MYH4: variants seen among roughly 807,000 people sequenced by gnomAD.
MYH4 encodes the protein myosin heavy chain 4, also known as myosin-4.
A neutral mutation model predicts 229.9 loss-of-function variants in MYH4; 200 were observed. That is an observed-to-expected ratio of 0.87 (90% CI 0.78 to 0.98). The LOEUF is 0.98. Among genes scored for constraint, MYH4 ranks in the 50% least tolerant of loss-of-function variants. MYH4 has a pLI of 0.00. For synonymous variants in MYH4, 761 were observed against 834.6 expected, an observed-to-expected ratio of 0.91 and a Z score of 1.52; for missense variants, 2,148 against 2,332.6, an observed-to-expected ratio of 0.92 and a Z score of 1.63.
At chr17:10,467,111 C>G (rs1166569117) in intron 2 of MYH4, among the ~76,000 whole-genome samples, 4 of 152,170 alleles carry the variant, frequency 2.6e-5, no homozygotes, top group Non-Finnish European at 5.9e-5. Context: ...TTTCTTGCTA[C>G]TTTTCTTTTC....
Position 10,462,015 on chromosome 17 carries a change from A to C in MYH4, c.1008+850T>G, listed in dbSNP as rs2072708725. ...TCTTAACTCCCTATCACTTTTGGAC[A>C]TACAAAGATAATAATAAGTTATAGA... On this transcript the variant is annotated intron_variant, in intron 11 of 39. Transcript: ENST00000255381. Among the ~76,000 whole-genome samples, 4 of 152,174 alleles carry C rather than the reference A, an allele frequency of 2.6e-5. No individual in the cohort carries two copies. The South Asian group carries it at 8.3e-4, about 31-fold the overall frequency.
At position 10,452,326 on chromosome 17, in the gene MYH4, C is replaced by A; in HGVS notation, c.3353G>T (p.Arg1118Leu). ...GATTTCCTCCTCCAGCTCCTCAATG[C>A]GGGCCTGGTTGTGATATGTCAACAT... The part of the protein sequence containing the change: ...LQKKIKELQA[R>L]IEELEEEIEA... Residue 1118 changes from arginine to leucine, a missense_variant, in exon 27 of 40, where the codon CGC becomes CTC. Arg to Leu is a moderately radical substitution (Grantham distance 102). Transcript: ENST00000255381. The A allele has an allele frequency of 1.2e-6, 2 of 1,614,094 alleles. No individual in the cohort carries two copies. Among genetic ancestry groups the A allele is most frequent in the Non-Finnish European group, 1.7e-6 (2 of 1,180,008 alleles).
chr17:10,466,513 T>G (rs1480616772), intron 3 of MYH4, 29 bp downstream of exon 3: 7 of 1,613,176 alleles, frequency 4.3e-6, no homozygotes, highest in Non-Finnish European at 5.9e-6. Context: ...TGAGGCAGAG[T>G]CTAATTAGCT....
intron 4 of MYH4, among the ~76,000 whole-genome samples, chr17:10,466,010 G>A (rs1327568968): frequency 6.6e-6 from 1 of 151,790 alleles, no homozygotes; most frequent in African/African-American, 2.4e-5. Flanking sequence ...TCCTGACCTC[G>A]TGATCCGCCC....
rs746636530 is a variant in MYH4, at chr17:10,455,800, C to G, written c.2056+14G>C. The G allele has an allele frequency of 6.2e-7, 1 of 1,614,158 alleles. No homozygotes were observed. The highest frequency in any genetic ancestry group is 8.5e-7 in the Non-Finnish European group (1 of 1,180,012). Reference sequence around the variant, plus strand: ...CACACACTGGAGCTTGTCTGGATATCAGAAATGTCTTACCAGGAGTTTTAG... The same window carrying G: ...CACACACTGGAGCTTGTCTGGATATGAGAAATGTCTTACCAGGAGTTTTAG... On this transcript the variant is annotated intron_variant, in intron 18 of 39. Coordinates refer to ENST00000255381, the MANE Select transcript of MYH4 (RefSeq NM_017533.2).
In MYH4 at chr17:10,463,600, T is replaced by TCC; in HGVS notation, c.690_691dup (p.Glu231GlyfsTer10). ...CACGGTCTTGGCATTGCCGAAGGCT[T>TCC]CCAGTAGGGGGTTAGCACTGATGAT... On this transcript the variant is annotated frameshift_variant, in exon 8 of 40. Coordinates refer to ENST00000255381, the MANE Select transcript of MYH4 (RefSeq NM_017533.2). LOFTEE classifies it high-confidence loss of function. 6.2e-7 allele frequency: 1 copy of TCC among 1,613,906 alleles called. No homozygotes were observed. Among genetic ancestry groups the TCC allele is most frequent in the Non-Finnish European group, 8.5e-7 (1 of 1,179,816 alleles).
intron 29 of MYH4, 56 bp downstream of exon 29, chr17:10,450,721 A>G: frequency 1.9e-6 from 3 of 1,610,122 alleles, no homozygotes; most frequent in Non-Finnish European, 2.5e-6. Context: ...AAAGTTCAAT[A>G]GTGTGTTATG....
rs754908749 is a variant in MYH4, at chr17:10,454,671, C to T, written c.2575G>A (p.Glu859Lys). Residue 859 changes from glutamate to lysine, a missense_variant, in exon 22 of 40, where the codon GAA becomes AAA. Transcript: ENST00000255381. ...AGCTCTTCTTTGGTTTTCTCAAATT[C>T]TTCCTTCATGTTGGCCATCTCCTTC... ...TEKEMANMKEEFEKTKEELAK... is the reference protein window; with the variant it reads ...TEKEMANMKEKFEKTKEELAK... 5 of 1,614,170 alleles carry T rather than the reference C, an allele frequency of 3.1e-6. No homozygotes were observed. The South Asian group carries it at 5.5e-5, about 18-fold the overall frequency.
At position 10,461,352 on chromosome 17, in the gene MYH4, C is replaced by T. The variant is rs114033791; in HGVS notation, c.1009-298G>A. ...ATGACTTTTGATGCCAAGGCCAGTG[C>T]TTTGCCCCTTTTCTCCACCCCAGCC... On this transcript the variant is annotated intron_variant, in intron 11 of 39. Coordinates refer to ENST00000255381, the MANE Select transcript of MYH4 (RefSeq NM_017533.2). Among the ~76,000 whole-genome samples, 1,139 of 152,282 alleles carry T rather than the reference C, an allele frequency of 7.5e-3. 16 individuals carry two copies. The highest frequency in any genetic ancestry group is 0.027 in the African/African-American group (1,106 of 41,554).
rs186999154 is a variant in MYH4 at position 10,445,518 on chromosome 17, C to G, written c.5170-156G>C. Among the ~76,000 whole-genome samples the G allele has an allele frequency of 2.6e-3, 389 of 152,188 alleles. 1 individual carries two copies. Among genetic ancestry groups the G allele is most frequent in the African/African-American group, 9.0e-3 (375 of 41,514 alleles). On this transcript the variant is annotated intron_variant, in intron 35 of 39. Transcript: ENST00000255381. ...ATAATTCTAAGTTTATGCCTTTTCT[C>G]CTTTCTATATATAGCTCTTTAATCA...
Position 10,448,022 on chromosome 17 carries a change from G to A in MYH4, c.4761C>T (p.Leu1587=), listed in dbSNP as rs377587438. Residue 1587 remains leucine, a synonymous_variant, in exon 34 of 40, where the codon CTC becomes CTT. Transcript: ENST00000255381. ...TGAGATGGTTCCTCTTTAGCTGATC[G>A]AGTTCTTCATCTTTTTCAGCAATTT... ...DRKIAEKDEE[L]DQLKRNHLRV... 1.2e-5 allele frequency: 19 copies of A among 1,613,782 alleles called. No individual in the cohort carries two copies. Among genetic ancestry groups the A allele is most frequent in the African/African-American group, 9.4e-5 (7 of 74,854 alleles).
intron 17 of MYH4, among the ~76,000 whole-genome samples, chr17:10,456,253 A>G (rs2072637116): frequency 6.6e-6 from 1 of 152,196 alleles, no homozygotes; most frequent in Admixed American, 6.5e-5. Context: ...GCTCAGGGGC[A>G]ATGGTTCACG....
intron 1 of MYH4, 57 bp from the exon 2 acceptor site, chr17:10,469,393 A>T (rs2072799563): frequency 6.6e-6 from 1 of 152,356 alleles, no homozygotes; most frequent in South Asian, 2.1e-4. Flanking sequence ...TAATCACAAA[A>T]TACTAGTAAC....
intron 14 of MYH4, 128 bp downstream of exon 14, chr17:10,459,824 C>A (rs568999313): frequency 1.9e-6 from 3 of 1,547,916 alleles, no homozygotes; most frequent in Admixed American, 1.8e-5. Flanking sequence ...CTTTTCATAT[C>A]TTTTCAAAGA....
At chr17:10,458,709 C>T (rs936072403) in intron 15 of MYH4, among the ~76,000 whole-genome samples, 1 of 152,148 alleles carries the variant, frequency 6.6e-6, no homozygotes, top group African/African-American at 2.4e-5. Context: ...ACTATTGCTT[C>T]ACCCCCTTAG....
In MYH4 at chr17:10,450,873, A is replaced by G. The variant is rs1456665566; in HGVS notation, c.3888T>C (p.Asp1296=). ...GCTGAGAAACCATAGCATCTTTTTC[A>G]TCTAGCTGTCGTGAAAACTCACCTG... The part of the protein sequence containing the change: ...TESGEFSRQL[D]EKDAMVSQLS... The change falls in exon 29 of 40, where the codon GAT becomes GAC. Residue 1296 remains aspartate (D), a synonymous_variant. Transcript: ENST00000255381. 6.2e-7 allele frequency: 1 copy of G among 1,613,984 alleles called. No individual in the cohort carries two copies. The highest frequency in any genetic ancestry group is 8.5e-7 in the Non-Finnish European group (1 of 1,179,948).
At chr17:10,460,142 AG>A in intron 13 of MYH4, 41 bp from the exon 14 acceptor site, 1 of 1,613,920 alleles carries the variant, frequency 6.2e-7, no homozygotes. Context: ...AATTGAAAAC[AG>A]TGATGAACTC....
At chr17:10,457,317 CA>C in intron 16 of MYH4, 102 bp downstream of exon 16, 1 of 1,295,986 alleles carries the variant, frequency 7.7e-7, no homozygotes, top group Non-Finnish European at 1.1e-6. Context: ...ATGTATTGGC[CA>C]GTGTTTTTGT....
At chr17:10,465,836 G>T (rs539395824) in intron 4 of MYH4, among the ~76,000 whole-genome samples, 2 of 143,228 alleles carry the variant, frequency 1.4e-5, no homozygotes, top group East Asian at 4.3e-4. Context: ...GTGCAGTGGC[G>T]GGATCTCGGC....
Sources: gnomAD v4.1 joint callset for allele counts (sites outside exome capture counted in the v4.1 genomes callset) on GRCh38, gnomAD v4.1.1 for gene constraint, MANE v1.5 for transcripts, NCBI Gene and HGNC (gene_info 2026-07-23, HGNC 2026-07-21) for gene names.